Variants in GMDS observed in about 807,000 individuals in gnomAD.
GMDS encodes the protein GDP-mannose 4,6-dehydratase.
In GMDS, 20 loss-of-function variants were observed where a neutral mutation model predicts 49.9. The observed-to-expected ratio is 0.40, with a 90% confidence interval of 0.28 to 0.58. GMDS has a LOEUF of 0.58. Ranked by LOEUF, GMDS falls within the 20% of genes least tolerant of loss-of-function variation. The pLI, the probability that GMDS is intolerant of heterozygous loss-of-function variation, is 0.42. For missense variants in GMDS, 362 were observed against 481.4 expected (o/e 0.75, Z 2.32); for synonymous variants, 177 against 178.6 (o/e 0.99, Z 0.07).
chr6:2,065,939 C>G (rs1422173433), intron 4 of GMDS, among the ~76,000 whole-genome samples: 1 of 152,068 alleles, frequency 6.6e-6, no homozygotes, highest in South Asian at 2.1e-4. Flanking sequence ...AGATACTGCT[C>G]AAGAAGAGCA....
At chr6:1,680,388 A>T (rs1764749958) in intron 9 of GMDS, among the ~76,000 whole-genome samples, 1 of 152,182 alleles carries the variant, frequency 6.6e-6, no homozygotes, top group South Asian at 2.1e-4. Context: ...CCTGACCCCT[A>T]TCAGAATTTA....
At chr6:2,099,047 C>T (rs1450310452) in intron 4 of GMDS, among the ~76,000 whole-genome samples, 1 of 152,116 alleles carries the variant, frequency 6.6e-6, no homozygotes, top group African/African-American at 2.4e-5. Context: ...TACTACAATA[C>T]TGTCGCTTAT....
intron 4 of GMDS, among the ~76,000 whole-genome samples, chr6:1,969,698 T>C (rs1014790239): frequency 2.6e-5 from 4 of 152,140 alleles, no homozygotes; most frequent in Non-Finnish European, 4.4e-5. Flanking sequence ...CAGAACATTT[T>C]CCCCAGGGTT....
At chr6:1,838,869 A>C (rs758639570) in intron 7 of GMDS, among the ~76,000 whole-genome samples, 3 of 152,208 alleles carry the variant, frequency 2.0e-5, no homozygotes, top group Non-Finnish European at 4.4e-5. Flanking sequence ...AGTGCTCATA[A>C]GGTATATCTC....
chr6:2,096,578 T>C (rs1773615885), intron 4 of GMDS, among the ~76,000 whole-genome samples: 1 of 152,292 alleles, frequency 6.6e-6, no homozygotes, highest in South Asian at 2.1e-4. Flanking sequence ...CAGCTGTCAG[T>C]AGGTCAAACA....
At chr6:1,866,549 A>G (rs972708207) in intron 7 of GMDS, among the ~76,000 whole-genome samples, 1 of 152,348 alleles carries the variant, frequency 6.6e-6, no homozygotes, top group South Asian at 2.1e-4. Context: ...AGCCAGTTCA[A>G]TGGGCCACTC....
At chr6:1,720,202 A>G (rs1766329191) in intron 9 of GMDS, among the ~76,000 whole-genome samples, 1 of 152,124 alleles carries the variant, frequency 6.6e-6, no homozygotes, top group Non-Finnish European at 1.5e-5. Context: ...CACAATTACT[A>G]TTTCATTAGA....
intron 7 of GMDS, among the ~76,000 whole-genome samples, chr6:1,928,582 A>C (rs987086302): frequency 6.6e-6 from 1 of 152,182 alleles, no homozygotes; most frequent in Non-Finnish European, 1.5e-5. Context: ...CTAAGCGTGA[A>C]CCTATATATT....
intron 7 of GMDS, among the ~76,000 whole-genome samples, chr6:1,889,807 CT>C (rs1759788298): frequency 6.6e-6 from 1 of 152,248 alleles, no homozygotes; most frequent in South Asian, 2.1e-4. Context: ...CTACAGTGTA[CT>C]TTCAGTGTCT....
At chr6:1,878,318 A>AG (rs1759197378) in intron 7 of GMDS, among the ~76,000 whole-genome samples, 1 of 150,304 alleles carries the variant, frequency 6.7e-6, no homozygotes, top group African/African-American at 2.4e-5. Context: ...CCATCTCAAA[A>AG]AAAAAAAAAA....
intron 9 of GMDS, among the ~76,000 whole-genome samples, chr6:1,714,104 G>A (rs1018380643): frequency 1.3e-5 from 2 of 152,084 alleles, no homozygotes; most frequent in African/African-American, 4.8e-5. Flanking sequence ...TGCAAGCTCC[G>A]CCTCCTGGAT....
At chr6:1,940,111 A>G (rs919898064) in intron 6 of GMDS, among the ~76,000 whole-genome samples, 5 of 152,242 alleles carry the variant, frequency 3.3e-5, no homozygotes, top group Non-Finnish European at 5.9e-5. Context: ...TTTCAAATGT[A>G]TATTTCCTAT....
intron 7 of GMDS, among the ~76,000 whole-genome samples, chr6:1,866,432 T>C (rs1482321919): frequency 6.6e-6 from 1 of 152,172 alleles, no homozygotes; most frequent in African/African-American, 2.4e-5. Flanking sequence ...AGCTACTGAG[T>C]GCCATACAGA....
intron 4 of GMDS, among the ~76,000 whole-genome samples, chr6:2,113,765 A>G (rs138904604): frequency 3.9e-5 from 6 of 152,204 alleles, no homozygotes; most frequent in South Asian, 2.1e-4. Context: ...GGTGTATCTG[A>G]CACAGCTTTT....
chr6:1,775,618 G>T (rs542444254), intron 7 of GMDS, among the ~76,000 whole-genome samples: 1 of 152,322 alleles, frequency 6.6e-6, no homozygotes, highest in South Asian at 2.1e-4. Flanking sequence ...TATATAGAGC[G>T]ATTTGCAGCT....
At chr6:2,177,262 A>G (rs963833743) in intron 1 of GMDS, among the ~76,000 whole-genome samples, 1 of 152,192 alleles carries the variant, frequency 6.6e-6, no homozygotes, top group African/African-American at 2.4e-5. Flanking sequence ...AGTACGTATA[A>G]TCTGGAGAGA....
chr6:2,111,011 G>C (rs1394012915), intron 4 of GMDS, among the ~76,000 whole-genome samples: 1 of 152,158 alleles, frequency 6.6e-6, no homozygotes, highest in Non-Finnish European at 1.5e-5. Flanking sequence ...ACATGGCATT[G>C]TGAGGCAAAG....
intron 8 of GMDS, among the ~76,000 whole-genome samples, chr6:1,738,477 C>T (rs578164040): frequency 8.5e-5 from 13 of 152,274 alleles, no homozygotes; most frequent in African/African-American, 2.9e-4. Flanking sequence ...ATACAGATGG[C>T]GACACGTGTC....
intron 9 of GMDS, among the ~76,000 whole-genome samples, chr6:1,687,556 TCCTTCTCCTGTGTTCCAGGCACC>T (rs1765020007): frequency 1.4e-3 from 5 of 3,538 alleles, no homozygotes; most frequent in Admixed American, 3.3e-3. Context: ...CCAGGCACCG[TCCTTCTCCTGTGTTCCAGGCACC>T]GTCCTTGACA....
Sources: allele counts gnomAD v4.1 joint callset (sites outside exome capture counted in the v4.1 genomes callset), GRCh38; gene constraint gnomAD v4.1.1; transcripts MANE v1.5; gene names NCBI Gene and HGNC (gene_info 2026-07-23, HGNC 2026-07-21).